The following CNTNAP2 variants were observed in gnomAD, a reference collection of about 807,000 sequenced individuals.
CNTNAP2 encodes the protein contactin associated protein 2.
In CNTNAP2, 98 loss-of-function variants were observed where a neutral mutation model predicts 155.2. That is an observed-to-expected ratio of 0.63 (90% CI 0.54 to 0.75). The LOEUF is 0.75. Ranked by LOEUF, CNTNAP2 falls within the 30% of genes least tolerant of loss-of-function variation. The pLI is 0.00. For synonymous variants in CNTNAP2, 651 were observed against 631.2 expected (o/e 1.03, Z -0.47); for missense variants, 1,727 against 1,688.1 (o/e 1.02, Z -0.40).
At chr7:146,340,778 A>G (rs1267923212) in intron 1 of CNTNAP2, among the ~76,000 whole-genome samples, 3 of 152,248 alleles carry the variant, frequency 2.0e-5, no homozygotes, top group Non-Finnish European at 2.9e-5. Flanking sequence ...TCCCTACATC[A>G]TATTTTATGA....
chr7:147,835,037 T>C (rs77320867), intron 13 of CNTNAP2, among the ~76,000 whole-genome samples: 6,753 of 152,214 alleles, frequency 0.044, 273 homozygotes, highest in Admixed American at 0.12. Flanking sequence ...GGGACTGATC[T>C]GCCAATAAGG....
chr7:148,182,939 T>C (rs575761359), intron 18 of CNTNAP2, among the ~76,000 whole-genome samples: 2 of 152,350 alleles, frequency 1.3e-5, no homozygotes, highest in South Asian at 4.1e-4. Flanking sequence ...GCAAAGACTC[T>C]CAATTAAATT....
Position 148,288,944 on chromosome 7 carries a change from C to CAAA in CNTNAP2, c.3475+21841_3475+21843dup, listed in dbSNP as rs58641348. 2.3e-3 allele frequency among the ~76,000 whole-genome samples: 237 copies of CAAA among 101,488 alleles called. 2 individuals carry two copies. Among genetic ancestry groups the CAAA allele is most frequent in the African/African-American group, 6.8e-3 (188 of 27,578 alleles). 66.6% of individuals were successfully genotyped at this position (101,488 alleles called of 152,430 possible). ...CAACAGATTAAAATATCTTATTCAG[C>CAAA]AAAAAAAAAAAAAAAAAAAAAAAAA... On this transcript the variant is annotated intron_variant, in intron 21 of 23. Transcript: ENST00000361727.
At chr7:147,902,948 A>G (rs778877281) in intron 13 of CNTNAP2, among the ~76,000 whole-genome samples, 1 of 152,006 alleles carries the variant, frequency 6.6e-6, no homozygotes, top group African/African-American at 2.4e-5. Context: ...GTGTGCAAGT[A>G]TCTTTTTCGT....
At chr7:147,597,677 G>A (rs942033515) in intron 12 of CNTNAP2, among the ~76,000 whole-genome samples, 1 of 152,174 alleles carries the variant, frequency 6.6e-6, no homozygotes, top group Admixed American at 6.5e-5. Flanking sequence ...TCATCTCAGA[G>A]AAGTGCTTTT....
chr7:146,782,470 A>C (rs1037732487), intron 2 of CNTNAP2, among the ~76,000 whole-genome samples: 2 of 152,192 alleles, frequency 1.3e-5, no homozygotes. Context: ...TTCATGCCTA[A>C]CTAAGTTCCA....
At chr7:146,377,418 T>G (rs1411773542) in intron 1 of CNTNAP2, among the ~76,000 whole-genome samples, 1 of 152,186 alleles carries the variant, frequency 6.6e-6, no homozygotes, top group Non-Finnish European at 1.5e-5. Flanking sequence ...AATTTCTATT[T>G]GCTCTCTTAC....
intron 14 of CNTNAP2, among the ~76,000 whole-genome samples, chr7:147,914,807 C>T (rs1223102897): frequency 6.6e-6 from 1 of 152,156 alleles, no homozygotes; most frequent in Non-Finnish European, 1.5e-5. Flanking sequence ...CTGCCTTGGC[C>T]TCCCAAAATA....
intron 8 of CNTNAP2, among the ~76,000 whole-genome samples, chr7:147,152,111 C>T (rs1245163358): frequency 6.6e-6 from 1 of 152,088 alleles, no homozygotes; most frequent in African/African-American, 2.4e-5. Context: ...AGCCAATACC[C>T]AGCCTAAGCA....
At chr7:147,991,619 T>G (rs948352724) in intron 15 of CNTNAP2, among the ~76,000 whole-genome samples, 3 of 152,218 alleles carry the variant, frequency 2.0e-5, no homozygotes, top group East Asian at 3.9e-4. Flanking sequence ...TTATACATTC[T>G]TTGGCAATTC....
At chr7:147,518,798 A>G (rs1799177654) in intron 11 of CNTNAP2, among the ~76,000 whole-genome samples, 1 of 152,128 alleles carries the variant, frequency 6.6e-6, no homozygotes, top group Non-Finnish European at 1.5e-5. Context: ...TGGGAGGGCA[A>G]GGCGGGCGGA....
chr7:147,364,893 G>A (rs1009220585), intron 9 of CNTNAP2, among the ~76,000 whole-genome samples: 1 of 151,840 alleles, frequency 6.6e-6, no homozygotes, highest in Non-Finnish European at 1.5e-5. Context: ...AATTACTTTG[G>A]CGTTTTAAAA....
At chr7:147,260,442 G>C (rs562687191) in intron 8 of CNTNAP2, among the ~76,000 whole-genome samples, 1 of 152,228 alleles carries the variant, frequency 6.6e-6, no homozygotes, top group African/African-American at 2.4e-5. Context: ...TTTTTAAAAA[G>C]CCTTGTAGAT....
chr7:148,247,625 C>CTCTATTTATT (rs373741779), intron 20 of CNTNAP2, among the ~76,000 whole-genome samples: 197 of 105,304 alleles, frequency 1.9e-3, no homozygotes, highest in Middle Eastern at 4.5e-3. Context: ...CTCTCTCTCT[C>CTCTATTTATT]TATTTATTTA....
chr7:148,030,985 A>G (rs1269816712), intron 15 of CNTNAP2, among the ~76,000 whole-genome samples: 2 of 152,182 alleles, frequency 1.3e-5, no homozygotes, highest in East Asian at 3.9e-4. Context: ...ATATGGATTA[A>G]GACTATTGCA....
intron 18 of CNTNAP2, among the ~76,000 whole-genome samples, chr7:148,196,739 A>G (rs1391881316): frequency 6.6e-6 from 1 of 152,196 alleles, no homozygotes; most frequent in Admixed American, 6.5e-5. Context: ...TTGCTCTAAC[A>G]CCTGTGCCCT....
At chr7:146,614,954 CATATA>C (rs1799199988) in intron 1 of CNTNAP2, among the ~76,000 whole-genome samples, 1 of 151,672 alleles carries the variant, frequency 6.6e-6, no homozygotes, top group Non-Finnish European at 1.5e-5. Flanking sequence ...TGCAAGAATA[CATATA>C]ATAAAAGAAG....
chr7:147,326,278 G>A lies in CNTNAP2; in HGVS notation c.1498+25988G>A, dbSNP rs185176285. Among the ~76,000 whole-genome samples, 421 of 152,224 alleles carry A rather than the reference G, an allele frequency of 2.8e-3. 1 individual carries two copies. Among genetic ancestry groups the A allele is most frequent in the Non-Finnish European group, 4.8e-3 (327 of 68,010 alleles). On this transcript the variant is annotated intron_variant, in intron 9 of 23. Coordinates refer to ENST00000361727, the MANE Select transcript of CNTNAP2 (RefSeq NM_014141.6). The stretch of plus-strand genomic sequence containing the variant: ...TTTGAATATTCTAGGTACCTTATAT[G>A]AGTGGAAACATATAATGTTTGTTCT...
intron 9 of CNTNAP2, among the ~76,000 whole-genome samples, chr7:147,376,664 A>C (rs550180409): frequency 6.6e-6 from 1 of 151,938 alleles, no homozygotes; most frequent in East Asian, 1.9e-4. Flanking sequence ...TTTCACGTGT[A>C]TTTACTCAGT....
Sources: gnomAD v4.1 joint callset for allele counts (sites outside exome capture counted in the v4.1 genomes callset) on GRCh38, gnomAD v4.1.1 for gene constraint, MANE v1.5 for transcripts, NCBI Gene and HGNC (gene_info 2026-07-23, HGNC 2026-07-21) for gene names.